Variants in PLCB4 observed in about 807,000 individuals in gnomAD.
The protein encoded by PLCB4 is phospholipase C beta 4.
A neutral mutation model predicts 178.8 loss-of-function variants in PLCB4; 77 were observed. That is an observed-to-expected ratio of 0.43 (90% CI 0.36 to 0.52). The LOEUF (loss-of-function observed/expected upper bound fraction) is 0.52, where lower values mean the gene tolerates loss of function less well. PLCB4 is among the 20% of genes least tolerant of loss of function. PLCB4 has a pLI of 0.00. For missense variants in PLCB4, 1,024 were observed against 1,453.4 expected (o/e 0.70, Z 4.80); for synonymous variants, 496 against 490.8 (o/e 1.01, Z -0.14).
intron 7 of PLCB4, among the ~76,000 whole-genome samples, chr20:9,340,301 A>C (rs753538214): frequency 2.0e-5 from 3 of 152,108 alleles, no homozygotes; most frequent in Non-Finnish European, 4.4e-5. Context: ...ACCCTCACTC[A>C]CAAAGTATGG....
intron 7 of PLCB4, among the ~76,000 whole-genome samples, chr20:9,361,200 A>G (rs2035294910): frequency 6.6e-6 from 1 of 152,262 alleles, no homozygotes; most frequent in African/African-American, 2.4e-5. Context: ...AATTGAAAGC[A>G]GTAACTTATT....
chr20:9,153,317 CAACTT>C (rs1257027283), intron 2 of PLCB4, among the ~76,000 whole-genome samples: 1 of 152,102 alleles, frequency 6.6e-6, no homozygotes, highest in Non-Finnish European at 1.5e-5. Context: ...ATCCAAAACT[CAACTT>C]GAATTGTGTC....
At chr20:9,272,425 G>A (rs2094412841) in intron 3 of PLCB4, among the ~76,000 whole-genome samples, 1 of 151,976 alleles carries the variant, frequency 6.6e-6, no homozygotes. Flanking sequence ...CTAAAATGGG[G>A]CATTACTGAC....
At chr20:9,218,993 C>A (rs960695440) in intron 3 of PLCB4, among the ~76,000 whole-genome samples, 112 of 152,246 alleles carry the variant, frequency 7.4e-4, no homozygotes, top group African/African-American at 2.6e-3. Context: ...TTAAATAGGT[C>A]ATTTTTCATC....
upstream of PLCB4, chr20:9,068,839 G>A (rs1329519156): frequency 6.6e-6 from 1 of 151,500 alleles, no homozygotes; most frequent in Non-Finnish European, 1.5e-5. Flanking sequence ...CGGTGGGCGG[G>A]CGGGTCGGCG....
rs1362250949 is a variant in PLCB4, at chr20:9,122,377, C to T, written c.-79+26035C>T. ...TTCTGTTAACATTATATTGTGATTA[C>T]GTCCTACGTGATTTTGTTTTAAACA... is the stretch of plus-strand genomic sequence containing the variant. On this transcript the variant is annotated intron_variant, in intron 2 of 39. Coordinates refer to ENST00000378473, the MANE Select transcript of PLCB4 (RefSeq NM_001377142.1). Among the ~76,000 whole-genome samples the T allele has an allele frequency of 4.0e-5, 6 of 151,744 alleles. No homozygotes were observed. In the South Asian group the frequency reaches 8.3e-4, roughly 21 times the overall value.
chr20:9,328,928 C>A (rs1465280895), intron 4 of PLCB4, among the ~76,000 whole-genome samples: 1 of 152,118 alleles, frequency 6.6e-6, no homozygotes, highest in Non-Finnish European at 1.5e-5. Flanking sequence ...CAGTGAAATG[C>A]AGAAAGTTTA....
At chr20:9,131,233 G>C (rs905005210) in intron 2 of PLCB4, among the ~76,000 whole-genome samples, 76 of 152,076 alleles carry the variant, frequency 5.0e-4, no homozygotes, top group African/African-American at 1.8e-3. Context: ...CTAACTGATC[G>C]ATCAATCTCT....
In PLCB4 at chr20:9,395,605, G is replaced by A. The variant is rs1466551159; in HGVS notation, c.1497G>A (p.Glu499=). The change falls in exon 19 of 40, where the codon GAG becomes GAA. Residue 499 remains glutamate, a synonymous_variant. Coordinates refer to ENST00000378473, the MANE Select transcript of PLCB4 (RefSeq NM_001377142.1). ...ACATCTTAGAGGACGATAATGAAGAGGAGATCGAAAGTGGTGAGCTGTTTG... is the reference window on the plus strand; with the variant it reads ...ACATCTTAGAGGACGATAATGAAGAAGAGATCGAAAGTGGTGAGCTGTTTG... The part of the protein sequence containing the change: ...PANILEDDNE[E]EIESADQEEE... 1.9e-6 allele frequency: 3 copies of A among 1,608,990 alleles called. No homozygotes were observed. In the East Asian group the frequency reaches 6.7e-5, roughly 36 times the overall value.
chr20:9,431,917 T>TATAA (rs1664685647), intron 28 of PLCB4, among the ~76,000 whole-genome samples: 1 of 152,238 alleles, frequency 6.6e-6, no homozygotes, highest in South Asian at 2.1e-4. Context: ...ATATGAGTTA[T>TATAA]ATAAAGTGCT....
chr20:9,467,100 TA>T (rs2043838729), intron 35 of PLCB4, among the ~76,000 whole-genome samples: 1 of 152,056 alleles, frequency 6.6e-6, no homozygotes, highest in Admixed American at 6.6e-5. Context: ...TATGCAGCCA[TA>T]AAAAAGGATG....
At chr20:9,194,647 T>C (rs1332835854) in intron 2 of PLCB4, among the ~76,000 whole-genome samples, 16 of 139,406 alleles carry the variant, frequency 1.1e-4, no homozygotes, top group Non-Finnish European at 6.0e-5. Context: ...GAGTGGAGAT[T>C]GCGCCACTGC....
At chr20:9,091,271 G>A (rs928503619) in intron 1 of PLCB4, among the ~76,000 whole-genome samples, 49 of 152,118 alleles carry the variant, frequency 3.2e-4, no homozygotes, top group Non-Finnish European at 6.9e-4. Context: ...CTCGACAACT[G>A]TAAAATGAGC....
chr20:9,477,050 G>A (rs2044594295), intron 39 of PLCB4, among the ~76,000 whole-genome samples: 1 of 152,140 alleles, frequency 6.6e-6, no homozygotes, highest in Non-Finnish European at 1.5e-5. Flanking sequence ...GCTGTCATTT[G>A]GACTGACCAG....
At chr20:9,347,137 A>G (rs1479812979) in intron 7 of PLCB4, among the ~76,000 whole-genome samples, 2 of 152,196 alleles carry the variant, frequency 1.3e-5, no homozygotes, top group South Asian at 2.1e-4. Flanking sequence ...AATGATGTGA[A>G]TAGCTGAAAA....
chr20:9,312,401 C>T (rs113696656), intron 4 of PLCB4, among the ~76,000 whole-genome samples: 4,688 of 151,392 alleles, frequency 0.031, 212 homozygotes, highest in African/African-American at 0.094. Flanking sequence ...CACACACGCA[C>T]GCACTCACAC....
intron 4 of PLCB4, among the ~76,000 whole-genome samples, chr20:9,318,478 T>C (rs555982089): frequency 3.3e-4 from 50 of 152,266 alleles, no homozygotes; most frequent in African/African-American, 1.2e-3. Flanking sequence ...GTTTCTACAA[T>C]GGCAATGTTA....
Position 9,448,698 on chromosome 20 carries a change from T to C in PLCB4, c.2880+4455T>C, listed in dbSNP as rs560527022. On this transcript the variant is annotated intron_variant, in intron 32 of 39. Transcript: ENST00000378473. ...TGGCCCAAGACAATTCTTTTTCCAA[T>C]GTGGCCCAAGGAAGCCAAAAGATTT... 1.1e-4 allele frequency among the ~76,000 whole-genome samples: 16 copies of C among 152,110 alleles called. No homozygotes were observed. In the East Asian group the frequency reaches 2.7e-3, roughly 26 times the overall value.
chr20:9,373,599 T>C (rs189572951), intron 12 of PLCB4, among the ~76,000 whole-genome samples: 5 of 152,312 alleles, frequency 3.3e-5, no homozygotes, highest in Non-Finnish European at 5.9e-5. Flanking sequence ...TAGAATATTT[T>C]GACAACAAGC....
Sources: allele counts gnomAD v4.1 joint callset (sites outside exome capture counted in the v4.1 genomes callset), GRCh38; gene constraint gnomAD v4.1.1; transcripts MANE v1.5; gene names NCBI Gene and HGNC (gene_info 2026-07-23, HGNC 2026-07-21).